The following CRACR2A variants were observed in gnomAD, a reference collection of about 807,000 sequenced individuals.
CRACR2A encodes EF-hand calcium-binding domain-containing protein 4B.
A neutral mutation model predicts 90.5 loss-of-function variants in CRACR2A; 79 were observed. The observed-to-expected ratio is 0.87, with a 90% CI of 0.73 to 1.05. The LOEUF is 1.05. Among genes scored for constraint, CRACR2A ranks in the 50% least tolerant of loss-of-function variants. The pLI is 0.00. For missense variants in CRACR2A, 823 were observed against 897.2 expected (o/e 0.92, Z 1.06); for synonymous variants, 338 against 356.7 (o/e 0.95, Z 0.59).
At position 3,721,684 on chromosome 12, in the gene CRACR2A, A is replaced by G. The variant is rs544190196; in HGVS notation, c.-117-8367T>C. On this transcript the variant is annotated intron_variant, in intron 2 of 19. Transcript: ENST00000440314. ...CATGTGAAAAACTAAAATGTAAGGC[A>G]GAATGAGAAAAGGGCAATAAGAAAA... 2.0e-5 allele frequency among the ~76,000 whole-genome samples: 3 copies of G among 152,330 alleles called. No homozygotes were observed. In the East Asian group the frequency reaches 5.8e-4, roughly 29 times the overall value.
At chr12:3,681,596 G>C (rs1183211987) in intron 4 of CRACR2A, among the ~76,000 whole-genome samples, 1 of 152,200 alleles carries the variant, frequency 6.6e-6, no homozygotes, top group African/African-American at 2.4e-5. Context: ...TATCTCAGCC[G>C]ATCCTCTCCC....
intron 10 of CRACR2A, among the ~76,000 whole-genome samples, chr12:3,651,531 C>T (rs546991214): frequency 6.6e-6 from 1 of 152,354 alleles, no homozygotes; most frequent in African/African-American, 2.4e-5. Flanking sequence ...TGACCTTCAT[C>T]TTTACATTAT....
intron 4 of CRACR2A, among the ~76,000 whole-genome samples, chr12:3,688,160 T>C (rs958743565): frequency 6.6e-6 from 1 of 152,254 alleles, no homozygotes; most frequent in Non-Finnish European, 1.5e-5. Context: ...CTGTTGATAG[T>C]TTCTTTTGCT....
At chr12:3,679,430 C>T (rs1253253911) in intron 5 of CRACR2A, among the ~76,000 whole-genome samples, 1 of 152,202 alleles carries the variant, frequency 6.6e-6, no homozygotes. Context: ...AAGGCCTTTC[C>T]CTGCACTGCA....
intron 17 of CRACR2A, among the ~76,000 whole-genome samples, chr12:3,621,404 T>A (rs1356402034): frequency 6.6e-6 from 1 of 150,616 alleles, no homozygotes; most frequent in Non-Finnish European, 1.5e-5. Flanking sequence ...TTCTTTTTTT[T>A]TTTTTTTGGG....
intron 17 of CRACR2A, among the ~76,000 whole-genome samples, chr12:3,621,721 A>C (rs1419518157): frequency 6.7e-6 from 1 of 150,324 alleles, no homozygotes; most frequent in Non-Finnish European, 1.5e-5. Flanking sequence ...GGAGCTTAGA[A>C]GGAGCAGAAA....
At chr12:3,712,411 G>A (rs899796863) in intron 3 of CRACR2A, among the ~76,000 whole-genome samples, 1 of 152,198 alleles carries the variant, frequency 6.6e-6, no homozygotes, top group Non-Finnish European at 1.5e-5. Context: ...AAGCCCCAGG[G>A]AGCTCTTACT....
In CRACR2A at chr12:3,717,557, G is replaced by T. The variant is rs142744717; in HGVS notation, c.-117-4240C>A. Reference sequence around the variant, plus strand: ...TCCCTGGACACACCACCGACTGAACGATAACAACAGCAATAACCATAAAAT... The same window carrying T: ...TCCCTGGACACACCACCGACTGAACTATAACAACAGCAATAACCATAAAAT... On this transcript the variant is annotated intron_variant, in intron 2 of 19. Coordinates refer to ENST00000440314, the MANE Select transcript of CRACR2A (RefSeq NM_001144958.2). Among the ~76,000 whole-genome samples, 259 of 152,232 alleles carry T rather than the reference G, an allele frequency of 1.7e-3. 2 individuals carry two copies. The highest frequency in any genetic ancestry group is 0.015 in the Admixed American group (236 of 15,292).
At chr12:3,621,419 C>T (rs1265271419) in intron 17 of CRACR2A, among the ~76,000 whole-genome samples, 7 of 147,020 alleles carry the variant, frequency 4.8e-5, no homozygotes, top group Non-Finnish European at 9.0e-5. Flanking sequence ...TTTGGGAGGC[C>T]GAGGTGGGTG....
chr12:3,633,878 A>G lies in CRACR2A; in HGVS notation c.1603-142T>C. On this transcript the variant is annotated intron_variant, in intron 14 of 19. Coordinates refer to ENST00000440314, the MANE Select transcript of CRACR2A (RefSeq NM_001144958.2). The surrounding 1 kb of genome is among the most constrained non-coding windows in gnomAD (Gnocchi z 4.5). ...TCTAGACCTGCACCAGGAGGCTGCCACAGCCTCAGAATGCAGTGAGCATAG... is the reference window on the plus strand; with the variant it reads ...TCTAGACCTGCACCAGGAGGCTGCCGCAGCCTCAGAATGCAGTGAGCATAG... The G allele has an allele frequency of 1.7e-6, 2 of 1,145,620 alleles. No homozygotes were observed. The highest frequency in any genetic ancestry group is 2.4e-6 in the Non-Finnish European group (2 of 818,938). The allele number at this position is 1,145,620 out of a possible 1,614,324, so 71.0% of individuals were successfully genotyped here.
At chr12:3,651,133 T>C (rs1944786666) in intron 10 of CRACR2A, among the ~76,000 whole-genome samples, 2 of 152,206 alleles carry the variant, frequency 1.3e-5, no homozygotes, top group Non-Finnish European at 2.9e-5. Context: ...TGGTTACCCT[T>C]AGGGAACTGC....
rs34088152 is a variant in CRACR2A at position 3,679,032 on chromosome 12, T to G, written c.407A>C (p.His136Pro). The change falls in exon 6 of 20, where the codon CAT becomes CCT. Residue 136 changes from histidine to proline, a missense_variant. Transcript: ENST00000440314. The part of the protein sequence containing the change: ...EDAGEQVAQR[H>P]EEKVYLSRGD... Reference sequence around the variant, plus strand: ...TCTGGACAGATACACCTTCTCTTCATGGCGCTGGGCCACCTGTTCACCTGC... The same window carrying G: ...TCTGGACAGATACACCTTCTCTTCAGGGCGCTGGGCCACCTGTTCACCTGC... The G allele has an allele frequency of 3.5e-3, 5,579 of 1,614,034 alleles. 160 individuals carry two copies. In the African/African-American group the frequency reaches 0.059, roughly 17 times the overall value.
rs374025338 is a variant in CRACR2A at position 3,656,605 on chromosome 12, G to A, written c.763-199C>T. Among the ~76,000 whole-genome samples, 4 of 152,274 alleles carry A rather than the reference G, an allele frequency of 2.6e-5. 1 individual carries two copies. The highest frequency in any genetic ancestry group is 4.8e-5 in the African/African-American group (2 of 41,560). ...CAAATGAGACAGAGATAGTGCAAGC[G>A]CTTAGTGAGGCAGGATGCAAACTCC... On this transcript the variant is annotated intron_variant, in intron 8 of 19. Coordinates refer to ENST00000440314, the MANE Select transcript of CRACR2A (RefSeq NM_001144958.2).
chr12:3,739,014 A>G (rs189313365), intron 1 of CRACR2A, among the ~76,000 whole-genome samples: 2 of 149,358 alleles, frequency 1.3e-5, no homozygotes, highest in East Asian at 3.9e-4. Context: ...TAAGAACAAG[A>G]GAAATAAAGA....
At chr12:3,743,953 G>T (rs1565510609) in intron 1 of CRACR2A, among the ~76,000 whole-genome samples, 1 of 152,180 alleles carries the variant, frequency 6.6e-6, no homozygotes, top group African/African-American at 2.4e-5. Flanking sequence ...ATGCTCGCTG[G>T]GGAAATAGCA....
intron 4 of CRACR2A, among the ~76,000 whole-genome samples, chr12:3,681,470 G>A (rs1945450377): frequency 6.6e-6 from 1 of 152,180 alleles, no homozygotes; most frequent in African/African-American, 2.4e-5. Flanking sequence ...GCTCCCTTCT[G>A]GCCTTCTGCC....
intron 10 of CRACR2A, among the ~76,000 whole-genome samples, chr12:3,653,139 T>C (rs560733747): frequency 1.2e-3 from 177 of 152,242 alleles, no homozygotes; most frequent in Non-Finnish European, 2.0e-3. Context: ...TGCGCCATCA[T>C]GCCTGGCTAA....
At chr12:3,699,494 A>G (rs1945799576) in intron 3 of CRACR2A, among the ~76,000 whole-genome samples, 1 of 152,206 alleles carries the variant, frequency 6.6e-6, no homozygotes, top group African/African-American at 2.4e-5. Context: ...ATTGAGTCCT[A>G]TATAGACTCT....
chr12:3,752,790 C>A (rs1946729426), intron 1 of CRACR2A, among the ~76,000 whole-genome samples: 1 of 152,122 alleles, frequency 6.6e-6, no homozygotes, highest in South Asian at 2.1e-4. Context: ...GGCTCTCCTC[C>A]AGTCCCGTTA....
Sources: allele counts gnomAD v4.1 joint callset (sites outside exome capture counted in the v4.1 genomes callset), GRCh38; gene constraint gnomAD v4.1.1; non-coding constraint Gnocchi (gnomAD v3.1); transcripts MANE v1.5; gene names NCBI Gene and HGNC (gene_info 2026-07-23, HGNC 2026-07-21).